The following PLPPR5 variants were observed in gnomAD, a reference collection of about 807,000 sequenced individuals.
PLPPR5 encodes phospholipid phosphatase related 5.
In PLPPR5, 16 loss-of-function variants were observed where a neutral mutation model predicts 33.9. That is an observed-to-expected ratio of 0.47 (90% CI 0.32 to 0.72). PLPPR5 has a LOEUF of 0.72. PLPPR5 is among the 30% of genes least tolerant of loss of function. PLPPR5 has a pLI of 0.03. For missense variants in PLPPR5, 301 were observed against 406.7 expected (o/e 0.74, Z 2.23); for synonymous variants, 163 against 150.3 (o/e 1.08, Z -0.62).
intron 3 of PLPPR5, among the ~76,000 whole-genome samples, chr1:98,941,200 A>G (rs1213424346): frequency 6.6e-6 from 1 of 151,912 alleles, no homozygotes; most frequent in Admixed American, 6.6e-5. Context: ...CTGACATTGC[A>G]ATGAAGCACT....
At chr1:98,927,433 G>A (rs1649808886) in intron 3 of PLPPR5, among the ~76,000 whole-genome samples, 2 of 152,158 alleles carry the variant, frequency 1.3e-5, no homozygotes, top group South Asian at 4.1e-4. Context: ...CACTGCTAAC[G>A]TCCTTGTGGC....
intron 3 of PLPPR5, among the ~76,000 whole-genome samples, chr1:98,937,937 T>C (rs561742524): frequency 5.3e-5 from 8 of 152,322 alleles, no homozygotes; most frequent in African/African-American, 1.9e-4. Flanking sequence ...TTTTGTTACA[T>C]AATCTGTAAT....
Position 98,950,131 on chromosome 1 carries a change from C to T in PLPPR5, c.621+2939G>A, listed in dbSNP as rs549297586. ...TTCTCTGGAACATTCAGAAACATCGCCACCAGAAAAATTTGTGGTTCTATG... is the reference window on the plus strand; with the variant it reads ...TTCTCTGGAACATTCAGAAACATCGTCACCAGAAAAATTTGTGGTTCTATG... On this transcript the variant is annotated intron_variant, in intron 3 of 5. Transcript: ENST00000263177. 7.2e-5 allele frequency among the ~76,000 whole-genome samples: 11 copies of T among 152,244 alleles called. No individual in the cohort carries two copies. In the South Asian group the frequency reaches 2.3e-3, roughly 32 times the overall value.
rs137875388 is a variant in PLPPR5, at chr1:98,953,163, G to A, written c.528C>T (p.Ala176=). Residue 176 remains alanine (A), a synonymous_variant, in exon 3 of 6, where the codon GCC becomes GCT. Coordinates refer to ENST00000263177, the MANE Select transcript of PLPPR5 (RefSeq NM_001037317.2). ...QYTQFISGEE[A]CTGNPDLIMR... is the part of the protein sequence containing the mutation. ...TGATGAGATCTGGGTTGCCAGTACAGGCCTCTTCCCCACTGATGAATTGTG... is the reference window on the plus strand; with the variant it reads ...TGATGAGATCTGGGTTGCCAGTACAAGCCTCTTCCCCACTGATGAATTGTG... The A allele has an allele frequency of 1.2e-6, 2 of 1,613,940 alleles. No homozygotes were observed. The highest frequency in any genetic ancestry group is 2.7e-5 in the African/African-American group (2 of 74,902).
chr1:98,993,181 C>G (rs1652510636), intron 1 of PLPPR5, among the ~76,000 whole-genome samples: 1 of 152,072 alleles, frequency 6.6e-6, no homozygotes, highest in South Asian at 2.1e-4. Context: ...TTTAGTCTCT[C>G]TAGGCATTGA....
At chr1:98,941,349 T>A (rs1339364856) in intron 3 of PLPPR5, among the ~76,000 whole-genome samples, 1 of 151,830 alleles carries the variant, frequency 6.6e-6, no homozygotes, top group Non-Finnish European at 1.5e-5. Context: ...AGGCTCTTGA[T>A]AAGATCTGGG....
chr1:98,985,215 G>T (rs1456032079), intron 1 of PLPPR5, among the ~76,000 whole-genome samples: 1 of 151,896 alleles, frequency 6.6e-6, no homozygotes, highest in Non-Finnish European at 1.5e-5. Flanking sequence ...AACATCCTAG[G>T]GAGAGGATTG....
Position 98,921,872 on chromosome 1 carries a change from T to C in PLPPR5, c.798+10A>G, listed in dbSNP as rs780824166. 1 of 1,596,446 alleles carries C rather than the reference T, an allele frequency of 6.3e-7. No homozygotes were observed. The highest frequency in any genetic ancestry group is 1.1e-5 in the South Asian group (1 of 88,898). On this transcript the variant is annotated intron_variant, in intron 4 of 5. Coordinates refer to ENST00000263177, the MANE Select transcript of PLPPR5 (RefSeq NM_001037317.2). Reference sequence around the variant, plus strand: ...AAAACCCAATGATATATAAATAAATTTGTACTTACCAGAAATACTGCTATA... The same window carrying C: ...AAAACCCAATGATATATAAATAAATCTGTACTTACCAGAAATACTGCTATA...
At chr1:98,923,946 T>A (rs1394174129) in intron 3 of PLPPR5, among the ~76,000 whole-genome samples, 1 of 152,232 alleles carries the variant, frequency 6.6e-6, no homozygotes, top group East Asian at 1.9e-4. Flanking sequence ...CGAGTGCGTA[T>A]GAATAGACAG....
intron 5 of PLPPR5, among the ~76,000 whole-genome samples, chr1:98,908,538 A>G (rs898669914): frequency 2.6e-5 from 4 of 152,112 alleles, no homozygotes; most frequent in African/African-American, 9.7e-5. Context: ...CCAGTGCTTT[A>G]TTTGAGATAT....
At chr1:98,901,283 G>A (rs1381257899) in intron 5 of PLPPR5, among the ~76,000 whole-genome samples, 2 of 152,114 alleles carry the variant, frequency 1.3e-5, no homozygotes, top group African/African-American at 2.4e-5. Flanking sequence ...GTGGTTTCTC[G>A]AAGTTGGAGA....
At chr1:98,948,681 C>G (rs140657965) in intron 3 of PLPPR5, among the ~76,000 whole-genome samples, 181 of 152,270 alleles carry the variant, frequency 1.2e-3, no homozygotes, top group African/African-American at 4.0e-3. Context: ...GAGATGCCAT[C>G]AGGGAAGATG....
chr1:98,972,128 C>T (rs972444474), intron 1 of PLPPR5, among the ~76,000 whole-genome samples: 2 of 152,026 alleles, frequency 1.3e-5, no homozygotes, highest in African/African-American at 4.8e-5. Flanking sequence ...GGCAGGGATC[C>T]TCATTTAGCA....
intron 4 of PLPPR5, among the ~76,000 whole-genome samples, chr1:98,918,438 C>A (rs776474026): frequency 5.3e-5 from 8 of 152,298 alleles, no homozygotes; most frequent in Non-Finnish European, 1.0e-4. Flanking sequence ...TTCTGCCTGA[C>A]ACTGTCATAA....
At chr1:98,915,717 T>C (rs1649319925) in intron 4 of PLPPR5, among the ~76,000 whole-genome samples, 1 of 152,192 alleles carries the variant, frequency 6.6e-6, no homozygotes, top group African/African-American at 2.4e-5. Flanking sequence ...AAATACATTT[T>C]TGGCATTGTT....
At chr1:98,948,469 G>C (rs76591278) in intron 3 of PLPPR5, among the ~76,000 whole-genome samples, 4 of 152,250 alleles carry the variant, frequency 2.6e-5, no homozygotes, top group Non-Finnish European at 5.9e-5. Context: ...TCCCATCCCA[G>C]TAAATTCTCC....
In PLPPR5 at chr1:98,997,532, G is replaced by A. The variant is rs1205494431; in HGVS notation, c.237+6903C>T. Among the ~76,000 whole-genome samples, 3 of 152,142 alleles carry A rather than the reference G, an allele frequency of 2.0e-5. No homozygotes were observed. In the South Asian group the frequency reaches 6.2e-4, roughly 31 times the overall value. Reference sequence around the variant, plus strand: ...GAACGAGATGATTCTTTCTAATCATGTTGACAATACTCAGAGCTTATTGAA... The same window carrying A: ...GAACGAGATGATTCTTTCTAATCATATTGACAATACTCAGAGCTTATTGAA... On this transcript the variant is annotated intron_variant, in intron 1 of 5. Coordinates refer to ENST00000263177, the MANE Select transcript of PLPPR5 (RefSeq NM_001037317.2).
At position 98,956,759 on chromosome 1, in the gene PLPPR5, G is replaced by T; in HGVS notation, c.238-18C>A. 6.6e-7 allele frequency: 1 copy of T among 1,522,978 alleles called. No individual in the cohort carries two copies. Among genetic ancestry groups the T allele is most frequent in the Non-Finnish European group, 8.8e-7 (1 of 1,134,832 alleles). The allele number at this position is 1,522,978 out of a possible 1,614,324, so 94.3% of individuals were successfully genotyped here. On this transcript the variant is annotated intron_variant, in intron 1 of 5. Coordinates refer to ENST00000263177, the MANE Select transcript of PLPPR5 (RefSeq NM_001037317.2). ...ACTATTATCTTGAAAGAAAATAAAA[G>T]ATTAAGGAATATTAGAATTTAACCA...
At chr1:98,915,411 G>A (rs924365164) in intron 4 of PLPPR5, among the ~76,000 whole-genome samples, 14 of 151,912 alleles carry the variant, frequency 9.2e-5, no homozygotes, top group South Asian at 6.2e-4. Context: ...CTAGCTTATC[G>A]TCTATTATTG....
Sources: gnomAD v4.1 joint callset for allele counts (sites outside exome capture counted in the v4.1 genomes callset) on GRCh38, gnomAD v4.1.1 for gene constraint, MANE v1.5 for transcripts, NCBI Gene and HGNC (gene_info 2026-07-23, HGNC 2026-07-21) for gene names.